TESPA1: variants seen among roughly 807,000 people sequenced by gnomAD.
The protein encoded by TESPA1 is protein TESPA1.
In TESPA1, 33 loss-of-function variants were observed where a neutral mutation model predicts 57.9. The ratio of observed to expected loss-of-function variants is 0.57; its 90% CI spans 0.43 to 0.76. TESPA1 has a LOEUF of 0.76. Among genes scored for constraint, TESPA1 ranks in the 30% least tolerant of loss-of-function variants. TESPA1 has a pLI of 0.00. For synonymous variants in TESPA1, 227 were observed against 228.9 expected (o/e 0.99, Z 0.07); for missense variants, 618 against 632.9 (o/e 0.98, Z 0.25).
At chr12:54,974,238 G>A (rs1459456323) in intron 2 of TESPA1, among the ~76,000 whole-genome samples, 162 bp downstream of exon 2, 4 of 152,024 alleles carry the variant, frequency 2.6e-5, no homozygotes, top group East Asian at 3.9e-4. Flanking sequence ...TTCATATTTC[G>A]TATTACTTTA....
intron 10 of TESPA1, among the ~76,000 whole-genome samples, chr12:54,952,759 A>G (rs774966239): frequency 1.3e-5 from 2 of 152,232 alleles, no homozygotes; most frequent in African/African-American, 2.4e-5. Context: ...GAACATGTTT[A>G]TCTACATTTG....
At chr12:54,961,314 G>A (rs371380401) in intron 9 of TESPA1, 47 bp from the exon 10 acceptor site, 2 of 1,609,562 alleles carry the variant, frequency 1.2e-6, no homozygotes, top group East Asian at 2.2e-5. Context: ...AGGGGGAAAG[G>A]GGGTAAGGAA....
chr12:54,962,557 G>A lies in TESPA1; in HGVS notation c.1341C>T (p.Leu447=), dbSNP rs768186129. 2.0e-5 allele frequency: 33 copies of A among 1,613,940 alleles called. No individual in the cohort carries two copies. The highest frequency in any genetic ancestry group is 2.5e-5 in the Non-Finnish European group (30 of 1,179,890). The part of the protein sequence containing the change: ...RARKSLFQKN[L]MGRKVKSLDL... ...CCAAGGACTTAACCTTCCTGCCCAT[G>A]AGATTCTTCTGGAAGAGGCTCTTTC... Residue 447 remains leucine, a synonymous_variant, in exon 9 of 11, where the codon CTC becomes CTT. Transcript: ENST00000449076.
intron 10 of TESPA1, among the ~76,000 whole-genome samples, chr12:54,953,337 G>A (rs1047999591): frequency 2.0e-5 from 3 of 151,850 alleles, no homozygotes; most frequent in African/African-American, 4.8e-5. Context: ...CTCCCACTAG[G>A]CATAAGGTGT....
chr12:54,963,283 A>C, intron 8 of TESPA1, 41 bp from the exon 9 acceptor site: 1 of 1,550,240 alleles, frequency 6.5e-7, no homozygotes, highest in Non-Finnish European at 8.7e-7. Context: ...GGGGTTCATC[A>C]GCAAATCTTC....
intron 10 of TESPA1, among the ~76,000 whole-genome samples, chr12:54,951,374 G>A (rs1433692246): frequency 2.0e-5 from 3 of 151,906 alleles, no homozygotes; most frequent in Non-Finnish European, 4.4e-5. Context: ...GTGGAACCAT[G>A]AGCCAATTAA....
intron 4 of TESPA1, 105 bp from the exon 5 acceptor site, chr12:54,967,341 G>T: frequency 7.9e-7 from 1 of 1,270,584 alleles, no homozygotes. Context: ...CCTTAGACTA[G>T]ACTTGCACAA....
At chr12:54,950,996 TGGCTAG>T (rs970451919) in intron 10 of TESPA1, among the ~76,000 whole-genome samples, 2 of 152,148 alleles carry the variant, frequency 1.3e-5, no homozygotes, top group African/African-American at 4.8e-5. Flanking sequence ...CACTACTTTA[TGGCTAG>T]CTACACCCTC....
intron 10 of TESPA1, among the ~76,000 whole-genome samples, chr12:54,953,114 C>G (rs1199349234): frequency 6.6e-6 from 1 of 152,096 alleles, no homozygotes; most frequent in Admixed American, 6.5e-5. Context: ...ACTCTGCCGG[C>G]TTCCTACCCA....
intron 5 of TESPA1, 23 bp downstream of exon 5, chr12:54,967,160 C>A: frequency 6.2e-7 from 1 of 1,612,710 alleles, no homozygotes; most frequent in Non-Finnish European, 8.5e-7. Flanking sequence ...CTCATCCCAA[C>A]CTCAGAGAAC....
rs1053164573 is a variant in TESPA1, at chr12:54,962,860, G to A, written c.1038C>T (p.Pro346=). 4.3e-6 allele frequency: 7 copies of A among 1,613,600 alleles called. No individual in the cohort carries two copies. In the Admixed American group the frequency reaches 8.3e-5, roughly 19 times the overall value. Residue 346 remains proline, a synonymous_variant, in exon 9 of 11, where the codon CCC becomes CCT. Transcript: ENST00000449076. The stretch of plus-strand genomic sequence containing the variant: ...TGGGCAACTTCTTACCCTCAGCAGG[G>A]GGCACAGGATCTTCCTGTGAGAATT... ...LGQFSQEDPV[P]PAEGKKLPTS...
chr12:54,982,619 C>G (rs1327268097), intron 1 of TESPA1, among the ~76,000 whole-genome samples: 2 of 152,110 alleles, frequency 1.3e-5, no homozygotes, highest in African/African-American at 4.8e-5. Context: ...AGGGAGACAT[C>G]AAATATCTTC....
chr12:54,983,635 A>C (rs1952401600), intron 1 of TESPA1, among the ~76,000 whole-genome samples: 1 of 152,142 alleles, frequency 6.6e-6, no homozygotes, highest in South Asian at 2.1e-4. Flanking sequence ...GTAAATGCTC[A>C]CAGTCTTGTC....
Position 54,963,731 on chromosome 12 carries a change from G to A in TESPA1, c.655+11C>T, listed in dbSNP as rs1461267584. 6.2e-7 allele frequency: 1 copy of A among 1,608,454 alleles called. No individual in the cohort carries two copies. Among genetic ancestry groups the A allele is most frequent in the African/African-American group, 1.3e-5 (1 of 74,942 alleles). On this transcript the variant is annotated intron_variant, in intron 8 of 10. Coordinates refer to ENST00000449076, the MANE Select transcript of TESPA1 (RefSeq NM_001136030.3). ...AGGGAAGTAGAGCAGGTGCCTGGGA[G>A]GGACACTCACTGGCCAGCATGAGGC...
intron 5 of TESPA1, 74 bp from the exon 6 acceptor site, chr12:54,966,498 C>G: frequency 6.5e-7 from 1 of 1,540,496 alleles, no homozygotes; most frequent in Non-Finnish European, 8.8e-7. Flanking sequence ...CCCTCTGAAC[C>G]TAAAACTCAG....
intron 10 of TESPA1, among the ~76,000 whole-genome samples, chr12:54,955,940 G>T (rs1412795629): frequency 7.0e-6 from 1 of 143,736 alleles, no homozygotes; most frequent in Non-Finnish European, 1.5e-5. Context: ...TCCCTCTTCA[G>T]AATTTATTTT....
intron 2 of TESPA1, chr12:54,973,936 C>T: frequency 2.9e-6 from 3 of 1,022,330 alleles, no homozygotes; most frequent in Non-Finnish European, 3.5e-6. Flanking sequence ...CTCATCTGAA[C>T]CTCAAAGAAG....
At chr12:54,952,229 G>A (rs1003570658) in intron 10 of TESPA1, among the ~76,000 whole-genome samples, 24 of 152,174 alleles carry the variant, frequency 1.6e-4, no homozygotes, top group Non-Finnish European at 2.8e-4. Context: ...GGCCCTCACC[G>A]GATGTGGTCC....
At chr12:54,962,402 A>C in intron 9 of TESPA1, 29 bp downstream of exon 9, 1 of 1,596,530 alleles carries the variant, frequency 6.3e-7, no homozygotes, top group Non-Finnish European at 8.5e-7. Flanking sequence ...TTTCTCTGCC[A>C]GTCTCTCCCT....
Sources: allele counts gnomAD v4.1 joint callset (sites outside exome capture counted in the v4.1 genomes callset), GRCh38; gene constraint gnomAD v4.1.1; transcripts MANE v1.5; gene names NCBI Gene and HGNC (gene_info 2026-07-23, HGNC 2026-07-21).